ART4: variants seen among roughly 807,000 people sequenced by gnomAD.
The protein encoded by ART4 is ADP-ribosyltransferase 4 (inactive) (Dombrock blood group), also known as ecto-ADP-ribosyltransferase 4.
A neutral mutation model predicts 24.2 loss-of-function variants in ART4; 14 were observed. The ratio of observed to expected loss-of-function variants is 0.58; its 90% confidence interval spans 0.38 to 0.90. The LOEUF is 0.90. ART4 is among the 40% of genes least tolerant of loss of function. The pLI is 0.00. For synonymous variants in ART4, 145 were observed against 139.9 expected (o/e 1.04, Z -0.26); for missense variants, 356 against 366.6 (o/e 0.97, Z 0.24).
chr12:14,835,521 G>A (rs1001096), intron 2 of ART4, among the ~76,000 whole-genome samples: 48,922 of 151,882 alleles, frequency 0.32, 8,633 homozygotes, highest in Middle Eastern at 0.39. Context: ...ATGTTCCTTC[G>A]CTTACTGATT....
chr12:14,829,455 G>T lies in ART4; in HGVS notation c.861C>A (p.Ser287Arg), dbSNP rs780157025. The T allele has an allele frequency of 1.6e-5, 26 of 1,606,078 alleles. 1 individual carries two copies. In the South Asian group the frequency reaches 2.6e-4, roughly 16 times the overall value. Reference sequence around the variant, plus strand: ...CTATAGGATCAGGGATGCATTTCTTGCTGGAAGCTGTAAAAAACAAAACAA... The same window carrying T: ...CTATAGGATCAGGGATGCATTTCTTTCTGGAAGCTGTAAAAAACAAAACAA... ...TYNCQLLKAS[S>R]KKCIPDPIAI... Residue 287 changes from serine to arginine, a missense_variant, in exon 3 of 3, where the codon AGC (serine) becomes AGA (arginine). Coordinates refer to ENST00000228936, the MANE Select transcript of ART4 (RefSeq NM_021071.4).
In ART4 at chr12:14,837,300, C is replaced by T. The variant is rs549148338; in HGVS notation, c.853+3145G>A. Among the ~76,000 whole-genome samples the T allele has an allele frequency of 2.6e-5, 4 of 152,254 alleles. No individual in the cohort carries two copies. The South Asian group carries it at 8.3e-4, about 32-fold the overall frequency. On this transcript the variant is annotated intron_variant, in intron 2 of 2. Coordinates refer to ENST00000228936, the MANE Select transcript of ART4 (RefSeq NM_021071.4). ...CTAGGGGTTGAAGCTTCTAGAATAT[C>T]TTCCCTTCTTCAAATATTGGAACTG...
rs1043292868 is a variant in ART4, at chr12:14,840,360, C to T, written c.853+85G>A. On this transcript the variant is annotated intron_variant, in intron 2 of 2. Transcript: ENST00000228936. ...CTAGTTTTCATGTTTTTGATCTTTC[C>T]CCAAAAACCCACTGAGAAAAAATAA... is the stretch of plus-strand genomic sequence containing the variant. 20 of 1,182,672 alleles carry T rather than the reference C, an allele frequency of 1.7e-5. No individual in the cohort carries two copies. The Admixed American group carries it at 2.2e-4, about 13-fold the overall frequency. The allele number at this position is 1,182,672 out of a possible 1,614,324, so 73.3% of individuals were successfully genotyped here. A position where few individuals can be genotyped will look rare whatever the true frequency, so the allele number is the denominator to read the frequency against.
chr12:14,841,102 A>G lies in ART4; in HGVS notation c.196T>C (p.Tyr66His), dbSNP rs1863046711. The change falls in exon 2 of 3, where the codon TAC (tyrosine) becomes CAC (histidine). Residue 66 changes from tyrosine to histidine, a missense_variant. Coordinates refer to ENST00000228936, the MANE Select transcript of ART4 (RefSeq NM_021071.4). Reference sequence around the variant, plus strand: ...ATAACCTGTTTGCTACAGCCTTGGTACTGATCATCAAAAGAACCTGGTGCG... The same window carrying G: ...ATAACCTGTTTGCTACAGCCTTGGTGCTGATCATCAAAAGAACCTGGTGCG... Reference protein sequence around the residue: ...DFAPGSFDDQYQGCSKQVMEK... With the variant: ...DFAPGSFDDQHQGCSKQVMEK... 2 of 1,598,754 alleles carry G rather than the reference A, an allele frequency of 1.3e-6. No individual in the cohort carries two copies. Among genetic ancestry groups the G allele is most frequent in the South Asian group, 2.3e-5 (2 of 87,618 alleles).
Position 14,840,445 on chromosome 12 carries a change from C to A in ART4, c.853G>T (p.Ala285Ser). 1 of 1,600,270 alleles carries A rather than the reference C, an allele frequency of 6.2e-7. No homozygotes were observed. The highest frequency in any genetic ancestry group is 8.5e-7 in the Non-Finnish European group (1 of 1,174,924). ...TGGCCTCAATTTAGATAAAGAATAC[C>A]TTTTAGCAGCTGACAGTTATATGTG... is the stretch of plus-strand genomic sequence containing the variant. ...LSTYNCQLLKASSKKCIPDPI... is the reference protein window; with the variant it reads ...LSTYNCQLLKSSSKKCIPDPI... The change falls in exon 2 of 3, where the codon GCT becomes TCT. Residue 285 changes from alanine (A) to serine (S), a missense_variant and splice_region_variant. Ala to Ser is a moderately conservative substitution (Grantham distance 99). Transcript: ENST00000228936.
chr12:14,843,159 C>G lies in ART4; in HGVS notation c.-46G>C, dbSNP rs1419941306. The G allele has an allele frequency of 2.5e-6, 4 of 1,608,000 alleles. No individual in the cohort carries two copies. Among genetic ancestry groups the G allele is most frequent in the Non-Finnish European group, 3.4e-6 (4 of 1,176,214 alleles). ...TCTCCTTTGCCCTTGCAGCTTCATC[C>G]TGAGATGAATTCTCAGAGTTCTCCT... On this transcript the variant is annotated 5_prime_UTR_variant, in exon 1 of 3. Coordinates refer to ENST00000228936, the MANE Select transcript of ART4 (RefSeq NM_021071.4).
chr12:14,830,462 A>T (rs1273511415), intron 2 of ART4, among the ~76,000 whole-genome samples: 2 of 150,182 alleles, frequency 1.3e-5, no homozygotes, highest in African/African-American at 4.9e-5. Context: ...GGATAACCAG[A>T]TGAGGGAGAA....
intron 2 of ART4, among the ~76,000 whole-genome samples, chr12:14,833,326 C>T (rs1010521856): frequency 2.0e-5 from 3 of 152,132 alleles, no homozygotes; most frequent in Non-Finnish European, 2.9e-5. Context: ...TTAAAACTAA[C>T]GGTAGTTTCT....
intron 2 of ART4, among the ~76,000 whole-genome samples, chr12:14,833,575 C>T (rs900330584): frequency 7.9e-5 from 12 of 152,128 alleles, no homozygotes; most frequent in Non-Finnish European, 1.5e-4. Flanking sequence ...GGTGTCCAAG[C>T]GTTTTGTAAA....
At chr12:14,831,864 T>C (rs921527477) in intron 2 of ART4, among the ~76,000 whole-genome samples, 5 of 152,074 alleles carry the variant, frequency 3.3e-5, no homozygotes, top group African/African-American at 1.2e-4. Flanking sequence ...CCCAGGCTTC[T>C]CCATCTCAGT....
intron 2 of ART4, among the ~76,000 whole-genome samples, chr12:14,830,451 A>G (rs1950386418): frequency 6.6e-6 from 1 of 150,726 alleles, no homozygotes; most frequent in African/African-American, 2.4e-5. Flanking sequence ...ATTGTTTGAT[A>G]GGATAACCAG....
chr12:14,826,221 C>A lies in ART4; in HGVS notation c.*3150G>T, dbSNP rs1393628125. On this transcript the variant is annotated 3_prime_UTR_variant, in exon 3 of 3. Coordinates refer to ENST00000228936, the MANE Select transcript of ART4 (RefSeq NM_021071.4). Reference sequence around the variant, plus strand: ...AACAACTTTGGACTATAGGGAGAGACTGAGGGGATGTGAGCTATGTACATT... The same window carrying A: ...AACAACTTTGGACTATAGGGAGAGAATGAGGGGATGTGAGCTATGTACATT... 1 of 152,204 alleles carries A rather than the reference C, an allele frequency of 6.6e-6. No individual in the cohort carries two copies. Among genetic ancestry groups the A allele is most frequent in the Non-Finnish European group, 1.5e-5 (1 of 68,032 alleles). 9.4% of individuals were successfully genotyped at this position (152,204 alleles called of 1,614,324 possible).
At chr12:14,836,093 T>C (rs1950429094) in intron 2 of ART4, among the ~76,000 whole-genome samples, 1 of 151,552 alleles carries the variant, frequency 6.6e-6, no homozygotes, top group Admixed American at 6.6e-5. Flanking sequence ...ATATATATCA[T>C]CAATGATAAA....
chr12:14,840,963 G>A lies in ART4; in HGVS notation c.335C>T (p.Pro112Leu), dbSNP rs753699386. 8.7e-6 allele frequency: 14 copies of A among 1,614,016 alleles called. No homozygotes were observed. Among genetic ancestry groups the A allele is most frequent in the Middle Eastern group, 1.6e-4 (1 of 6,084 alleles). ...LAWLNQGKVL[P>L]QNMTTTHAVA... The stretch of plus-strand genomic sequence containing the variant: ...AGCGTGTGTGGTAGTCATGTTCTGG[G>A]GTAGAACTTTTCCTTGGTTAAGCCA... Residue 112 changes from proline to leucine, a missense_variant, in exon 2 of 3, where the codon CCC becomes CTC. Coordinates refer to ENST00000228936, the MANE Select transcript of ART4 (RefSeq NM_021071.4).
At chr12:14,839,071 T>C (rs1462912447) in intron 2 of ART4, among the ~76,000 whole-genome samples, 1 of 152,176 alleles carries the variant, frequency 6.6e-6, no homozygotes, top group African/African-American at 2.4e-5. Context: ...AGTTCATTTT[T>C]CACAGTGTCA....
At chr12:14,833,924 C>T (rs550775109) in intron 2 of ART4, among the ~76,000 whole-genome samples, 8 of 152,274 alleles carry the variant, frequency 5.3e-5, no homozygotes, top group African/African-American at 7.2e-5. Context: ...CTGCCTCTTC[C>T]TTTGTTTCTC....
Position 14,843,025 on chromosome 12 carries a change from A to C in ART4, c.89T>G (p.Leu30Arg), listed in dbSNP as rs764177363. 1.9e-6 allele frequency: 3 copies of C among 1,614,022 alleles called. No individual in the cohort carries two copies. In the Admixed American group the frequency reaches 5.0e-5, roughly 27 times the overall value. ...ATMRIWLLGGLLPFLLLLSGL... is the reference protein window; with the variant it reads ...ATMRIWLLGGRLPFLLLLSGL... The stretch of plus-strand genomic sequence containing the variant: ...AGAGAGGAGCAGCAGGAATGGCAGC[A>C]GGCCTCCAAGGAGCCAGATTCTCAT... Residue 30 changes from leucine to arginine, a missense_variant, in exon 1 of 3, where the codon CTG becomes CGG. By Grantham distance (102) the Leu-to-Arg change is moderately radical (BLOSUM62 -2). Transcript: ENST00000228936.
At chr12:14,840,404 G>A in intron 2 of ART4, 41 bp downstream of exon 2, 1 of 1,494,312 alleles carries the variant, frequency 6.7e-7, no homozygotes, top group Non-Finnish European at 9.0e-7. Context: ...AAAGAGCAGT[G>A]GTCTGTGATC....
intron 2 of ART4, among the ~76,000 whole-genome samples, chr12:14,830,649 G>GTATATATATA (rs3084548): frequency 7.7e-4 from 20 of 25,952 alleles, no homozygotes; most frequent in East Asian, 3.9e-3. Flanking sequence ...CTGTATGTAT[G>GTATATATATA]TATATATATA....
Sources: allele counts gnomAD v4.1 joint callset (sites outside exome capture counted in the v4.1 genomes callset), GRCh38; gene constraint gnomAD v4.1.1; transcripts MANE v1.5; gene names NCBI Gene and HGNC (gene_info 2026-07-23, HGNC 2026-07-21).